CDS1: variants seen among roughly 807,000 people sequenced by gnomAD.
CDS1 encodes CDP-diacylglycerol synthase 1, also known as phosphatidate cytidylyltransferase 1.
CDS1 carries 41 observed loss-of-function variants against 62.1 expected under a neutral mutation model. The observed-to-expected ratio is 0.66, with a 90% CI of 0.51 to 0.86. CDS1 has a LOEUF of 0.86. Ranked by LOEUF, CDS1 falls within the 40% of genes least tolerant of loss-of-function variation. The pLI, the probability that CDS1 is intolerant of heterozygous loss-of-function variation, is 0.00. For synonymous variants in CDS1, 185 were observed against 192.6 expected, an observed-to-expected ratio of 0.96 and a Z score of 0.32; for missense variants, 470 against 550.1, an observed-to-expected ratio of 0.85 and a Z score of 1.46.
At chr4:84,603,410 A>G (rs1026975941) in intron 1 of CDS1, among the ~76,000 whole-genome samples, 13 of 152,308 alleles carry the variant, frequency 8.5e-5, no homozygotes, top group Admixed American at 6.5e-4. Context: ...GAAGGTTGCC[A>G]GGGTAGGATG....
chr4:84,612,889 T>A (rs1723368225), intron 3 of CDS1, among the ~76,000 whole-genome samples: 1 of 150,160 alleles, frequency 6.7e-6, no homozygotes. Flanking sequence ...CTTGGGAGGC[T>A]GAGGCAGGAG....
chr4:84,616,299 G>A (rs1723492233), intron 3 of CDS1, among the ~76,000 whole-genome samples: 1 of 152,038 alleles, frequency 6.6e-6, no homozygotes, highest in Non-Finnish European at 1.5e-5. Flanking sequence ...ATGGTTTGAC[G>A]TACTTTTCTT....
intron 8 of CDS1, 55 bp from the exon 9 acceptor site, chr4:84,638,866 TATA>T: frequency 2.1e-6 from 1 of 484,328 alleles, no homozygotes; most frequent in Non-Finnish European, 3.6e-6. Context: ...TATATATATA[TATA>T]TTGTGAGTTT....
At chr4:84,601,617 T>C (rs1722939197) in intron 1 of CDS1, among the ~76,000 whole-genome samples, 1 of 152,112 alleles carries the variant, frequency 6.6e-6, no homozygotes, top group Non-Finnish European at 1.5e-5. Context: ...CTTGTAAACA[T>C]TTTAAATGCC....
At chr4:84,589,987 A>G (rs1185907010) in intron 1 of CDS1, among the ~76,000 whole-genome samples, 1 of 151,900 alleles carries the variant, frequency 6.6e-6, no homozygotes, top group Non-Finnish European at 1.5e-5. Flanking sequence ...ATTTTTTTGT[A>G]TTTTTAGTAG....
At chr4:84,590,803 T>C (rs1722570506) in intron 1 of CDS1, among the ~76,000 whole-genome samples, 1 of 152,184 alleles carries the variant, frequency 6.6e-6, no homozygotes, top group African/African-American at 2.4e-5. Flanking sequence ...CTCATTGCCT[T>C]ACAGAGATAA....
At chr4:84,608,463 C>T (rs1036043592) in intron 2 of CDS1, among the ~76,000 whole-genome samples, 2 of 152,148 alleles carry the variant, frequency 1.3e-5, no homozygotes, top group Non-Finnish European at 2.9e-5. Flanking sequence ...CGTGAGCCAC[C>T]ACGCCCGGCC....
chr4:84,584,925 A>T (rs1396628169), intron 1 of CDS1, among the ~76,000 whole-genome samples: 1 of 152,192 alleles, frequency 6.6e-6, no homozygotes, highest in Non-Finnish European at 1.5e-5. Context: ...GACCCAAAAT[A>T]GAATTAATTA....
rs115641693 is a variant in CDS1 at position 84,606,959 on chromosome 4, A to G, written c.246-2470A>G. 2.4e-3 allele frequency among the ~76,000 whole-genome samples: 369 copies of G among 152,292 alleles called. 3 individuals carry two copies. Among genetic ancestry groups the G allele is most frequent in the African/African-American group, 8.4e-3 (347 of 41,554 alleles). ...TTCTAATCCATCCATTAATCCACAA[A>G]CAGTTATATCTGTACAACTACATGG... is the stretch of plus-strand genomic sequence containing the variant. On this transcript the variant is annotated intron_variant, in intron 2 of 12. Transcript: ENST00000295887.
chr4:84,610,803 G>A (rs1191654675), intron 3 of CDS1, among the ~76,000 whole-genome samples: 2 of 152,058 alleles, frequency 1.3e-5, no homozygotes, highest in African/African-American at 4.8e-5. Context: ...TTATAGCCTA[G>A]GACCAATAGG....
chr4:84,629,170 A>G (rs1457007644), intron 5 of CDS1, among the ~76,000 whole-genome samples: 2 of 152,210 alleles, frequency 1.3e-5, no homozygotes, highest in Non-Finnish European at 2.9e-5. Context: ...TTATTAACAT[A>G]TAAATGTATT....
chr4:84,628,221 G>T (rs567185857), intron 5 of CDS1, among the ~76,000 whole-genome samples: 1 of 152,200 alleles, frequency 6.6e-6, no homozygotes, highest in African/African-American at 2.4e-5. Flanking sequence ...CCATCCTACT[G>T]TCTGCTTTTT....
At position 84,618,666 on chromosome 4, in the gene CDS1, C is replaced by T. The variant is rs541846827; in HGVS notation, c.441-728C>T. On this transcript the variant is annotated intron_variant, in intron 4 of 12. Coordinates refer to ENST00000295887, the MANE Select transcript of CDS1 (RefSeq NM_001263.4). ...CTTCTGAGCAGATGGTATTGATTAG[C>T]GGACAGTGGGTAAATAGTTGGATTG... Among the ~76,000 whole-genome samples the T allele has an allele frequency of 2.6e-5, 4 of 152,188 alleles. No individual in the cohort carries two copies. The East Asian group carries it at 5.8e-4, about 22-fold the overall frequency.
intron 1 of CDS1, among the ~76,000 whole-genome samples, chr4:84,587,725 C>T (rs1450274647): frequency 1.3e-5 from 2 of 152,074 alleles, no homozygotes; most frequent in African/African-American, 4.8e-5. Context: ...AAATGGCATA[C>T]AAGTTTATTA....
At chr4:84,594,601 G>A (rs1312872732) in intron 1 of CDS1, among the ~76,000 whole-genome samples, 1 of 152,104 alleles carries the variant, frequency 6.6e-6, no homozygotes, top group East Asian at 1.9e-4. Context: ...AATATGTCCT[G>A]AGTCTCAATA....
chr4:84,640,120 T>C (rs985422127), intron 9 of CDS1, among the ~76,000 whole-genome samples: 15 of 147,984 alleles, frequency 1.0e-4, no homozygotes, highest in African/African-American at 2.9e-4. Flanking sequence ...CACATCTATA[T>C]GAAATTATAT....
Position 84,651,078 on chromosome 4 carries a change from C to A in CDS1, c.*2392C>A, listed in dbSNP as rs2148664427. 1 of 152,304 alleles carries A rather than the reference C, an allele frequency of 6.6e-6. No homozygotes were observed. The highest frequency in any genetic ancestry group is 1.9e-4 in the East Asian group (1 of 5,180). 9.4% of individuals were successfully genotyped at this position (152,304 alleles called of 1,614,324 possible). ...GTGGGATGCACATTCTTCCTCAGCG[C>A]TTTTTCCTTGTTGTGGTGACGTACA... On this transcript the variant is annotated 3_prime_UTR_variant, in exon 13 of 13. Coordinates refer to ENST00000295887, the MANE Select transcript of CDS1 (RefSeq NM_001263.4).
At chr4:84,631,500 T>G (rs1011126659) in intron 5 of CDS1, among the ~76,000 whole-genome samples, 2 of 152,208 alleles carry the variant, frequency 1.3e-5, no homozygotes, top group African/African-American at 4.8e-5. Flanking sequence ...TTATAGCAAA[T>G]AAATACTATT....
intron 12 of CDS1, among the ~76,000 whole-genome samples, chr4:84,646,453 CTATTAAG>C (rs1724560663): frequency 6.6e-6 from 1 of 151,992 alleles, no homozygotes; most frequent in Non-Finnish European, 1.5e-5. Flanking sequence ...CCATTGAAGA[CTATTAAG>C]TATCACTTTA....
Sources: gnomAD v4.1 joint callset for allele counts (sites outside exome capture counted in the v4.1 genomes callset) on GRCh38, gnomAD v4.1.1 for gene constraint, MANE v1.5 for transcripts, NCBI Gene and HGNC (gene_info 2026-07-23, HGNC 2026-07-21) for gene names.